POLN: variants seen among roughly 807,000 people sequenced by gnomAD.
The protein encoded by POLN is DNA polymerase N.
In POLN, 108 loss-of-function variants were observed where a neutral mutation model predicts 113.5. The observed-to-expected ratio is 0.95, with a 90% CI of 0.81 to 1.12. POLN has a LOEUF of 1.12. POLN is among the 50% of genes most tolerant of loss of function. POLN has a pLI of 0.00. For missense variants in POLN, 1,097 were observed against 1,077.1 expected (o/e 1.02, Z -0.26); for synonymous variants, 386 against 391.5 (o/e 0.99, Z 0.17).
chr4:2,211,604 T>C (rs1733995467), intron 4 of POLN, among the ~76,000 whole-genome samples: 1 of 151,902 alleles, frequency 6.6e-6, no homozygotes. Context: ...GGTGAAACCC[T>C]GTCTCCACCA....
At chr4:2,236,899 ATATTAT>A (rs751975834) in intron 2 of POLN, among the ~76,000 whole-genome samples, 3 of 149,316 alleles carry the variant, frequency 2.0e-5, no homozygotes, top group Admixed American at 1.3e-4. Context: ...TATAATAATA[ATATTAT>A]TATTATTTGT....
At chr4:2,184,793 T>C (rs1180667760) in intron 7 of POLN, among the ~76,000 whole-genome samples, 1 of 152,222 alleles carries the variant, frequency 6.6e-6, no homozygotes, top group Non-Finnish European at 1.5e-5. Flanking sequence ...ACTAGGTTTG[T>C]ATGACAAAGG....
At chr4:2,230,966 C>T (rs1361055021) in intron 2 of POLN, 1 of 152,176 alleles carries the variant, frequency 6.6e-6, no homozygotes, top group Non-Finnish European at 1.5e-5. Context: ...TTTTGAGCAA[C>T]CACTTTTACA....
intron 23 of POLN, chr4:2,079,382 T>C (rs1730350715): frequency 3.1e-6 from 3 of 962,076 alleles, no homozygotes; most frequent in Non-Finnish European, 3.7e-6. Flanking sequence ...GCGGGATGCA[T>C]GGATTTCAGG....
At chr4:2,206,436 G>A (rs1437389867) in intron 5 of POLN, among the ~76,000 whole-genome samples, 3 of 152,186 alleles carry the variant, frequency 2.0e-5, no homozygotes, top group East Asian at 1.9e-4. Context: ...CATAGCAAAG[G>A]GAATAGTCAG....
At chr4:2,081,891 T>C (rs1028909567) in intron 21 of POLN, 148 bp from the exon 22 acceptor site, 4 of 572,592 alleles carry the variant, frequency 7.0e-6, no homozygotes, top group Non-Finnish European at 9.4e-6. Context: ...GGGTCTATCA[T>C]GGGGGCAAGT....
chr4:2,208,347 T>C lies in POLN; in HGVS notation c.354A>G (p.Leu118=), dbSNP rs1733909405. 3 of 1,613,384 alleles carry C rather than the reference T, an allele frequency of 1.9e-6. No individual in the cohort carries two copies. In the South Asian group the frequency reaches 3.3e-5, roughly 18 times the overall value. ...SISSLTLSSC[L]IPQYNQEASV... is the part of the protein sequence containing the mutation. ...AAGCCTCTTGATTATACTGTGGAAT[T>C]AAACAACTTGAAAGAGTCAATGAGC... The change falls in exon 5 of 26, where the codon TTA becomes TTG. Residue 118 remains leucine, a synonymous_variant. Coordinates refer to ENST00000511885, the MANE Select transcript of POLN (RefSeq NM_181808.4).
At chr4:2,158,000 G>T in intron 14 of POLN, 89 bp from the exon 15 acceptor site, 1 of 967,596 alleles carries the variant, frequency 1.0e-6, no homozygotes. Flanking sequence ...TGCCCAGGCT[G>T]GAGTGCAGTG....
chr4:2,197,367 A>G (rs944589517), intron 6 of POLN, among the ~76,000 whole-genome samples: 1 of 152,220 alleles, frequency 6.6e-6, no homozygotes, highest in African/African-American at 2.4e-5. Flanking sequence ...GGCAGAGCCA[A>G]TAGGACTTGC....
chr4:2,236,419 CTT>C (rs1560104524), intron 2 of POLN: 1 of 1,613,022 alleles, frequency 6.2e-7, no homozygotes, highest in Non-Finnish European at 8.5e-7. Flanking sequence ...AGAAACAATT[CTT>C]TTTTCTTATT....
At chr4:2,186,004 A>G (rs1356508367) in intron 7 of POLN, among the ~76,000 whole-genome samples, 2 of 152,186 alleles carry the variant, frequency 1.3e-5, no homozygotes, top group Non-Finnish European at 1.5e-5. Flanking sequence ...CAAGATTATC[A>G]CCAGCAATAT....
intron 17 of POLN, among the ~76,000 whole-genome samples, chr4:2,130,235 G>A (rs1488197996): frequency 7.0e-6 from 1 of 142,126 alleles, no homozygotes; most frequent in Non-Finnish European, 1.5e-5. Context: ...AACAGAGCGA[G>A]ACTCTGTCTC....
At chr4:2,177,185 A>G in intron 8 of POLN, 1 of 346,984 alleles carries the variant, frequency 2.9e-6, no homozygotes, top group South Asian at 2.1e-5. Flanking sequence ...CCCAAAACTG[A>G]CCATGTGACT....
At chr4:2,231,938 GACTA>G (rs1734593401) in intron 2 of POLN, 1 of 1,331,574 alleles carries the variant, frequency 7.5e-7, no homozygotes, top group South Asian at 1.3e-5. Flanking sequence ...CAATCTTCAA[GACTA>G]ACAGCCTTAA....
At chr4:2,089,035 C>T (rs1730609864) in intron 20 of POLN, 1 of 889,256 alleles carries the variant, frequency 1.1e-6, no homozygotes, top group South Asian at 1.5e-5. Context: ...TGGATTTCTT[C>T]CCTAGCTTTG....
At chr4:2,160,671 G>C (rs1239821492) in intron 13 of POLN, among the ~76,000 whole-genome samples, 3 of 152,048 alleles carry the variant, frequency 2.0e-5, no homozygotes, top group Non-Finnish European at 4.4e-5. Context: ...GGCCTCCCAA[G>C]GTGTTGGTAT....
At chr4:2,221,118 G>T (rs552273433) in intron 3 of POLN, among the ~76,000 whole-genome samples, 5 of 152,146 alleles carry the variant, frequency 3.3e-5, no homozygotes, top group African/African-American at 1.2e-4. Flanking sequence ...TGATACTCAA[G>T]ATTTATTTTT....
chr4:2,204,642 G>GA (rs1416662031), intron 5 of POLN, among the ~76,000 whole-genome samples: 1 of 152,150 alleles, frequency 6.6e-6, no homozygotes, highest in African/African-American at 2.4e-5. Context: ...CACCAAAAGA[G>GA]AAAACTACAG....
chr4:2,083,254 C>G (rs575707788), intron 21 of POLN, among the ~76,000 whole-genome samples: 1 of 152,360 alleles, frequency 6.6e-6, no homozygotes, highest in East Asian at 1.9e-4. Context: ...CAAAATCCAG[C>G]TGCATCTGCC....
Sources: allele counts gnomAD v4.1 joint callset (sites outside exome capture counted in the v4.1 genomes callset), GRCh38; gene constraint gnomAD v4.1.1; transcripts MANE v1.5; gene names NCBI Gene and HGNC (gene_info 2026-07-23, HGNC 2026-07-21).